The following FBXL17 variants were observed in gnomAD, a reference collection of about 807,000 sequenced individuals.
FBXL17 encodes F-box/LRR-repeat protein 17.
FBXL17 carries 22 observed loss-of-function variants against 66.2 expected under a neutral mutation model. That is an observed-to-expected ratio of 0.33 (90% CI 0.24 to 0.47). The LOEUF (loss-of-function observed/expected upper bound fraction) is 0.47. FBXL17 is among the 20% of genes least tolerant of loss of function. The pLI is 1.00. For missense variants in FBXL17, 878 were observed against 948.2 expected (o/e 0.93, Z 0.97); for synonymous variants, 474 against 400.5 (o/e 1.18, Z -2.19).
chr5:107,939,701 T>C (rs1025494), intron 7 of FBXL17, among the ~76,000 whole-genome samples: 61,915 of 151,972 alleles, frequency 0.41, 13,441 homozygotes, highest in East Asian at 0.59. Flanking sequence ...GCATATATTA[T>C]ACAATCGGAA....
chr5:108,153,099 C>A (rs914871966), intron 6 of FBXL17, among the ~76,000 whole-genome samples: 1 of 152,152 alleles, frequency 6.6e-6, no homozygotes, highest in South Asian at 2.1e-4. Flanking sequence ...TTTGCTCCTC[C>A]TTTGCCTTTC....
In FBXL17 at chr5:108,373,316, TA is replaced by T. The variant is rs574484905; in HGVS notation, c.994-5364del. Among the ~76,000 whole-genome samples the T allele has an allele frequency of 5.4e-3, 758 of 140,122 alleles. 3 individuals carry two copies. Among genetic ancestry groups the T allele is most frequent in the Non-Finnish European group, 9.7e-3 (643 of 66,046 alleles). The allele number at this position is 140,122 out of a possible 152,430, so 91.9% of individuals were successfully genotyped here. ...AAATATAATATATATCTAAATATAT[TA>T]AATTTTTATTAATATATATCTAAAT... On this transcript the variant is annotated intron_variant, in intron 1 of 8. Coordinates refer to ENST00000542267, the MANE Select transcript of FBXL17 (RefSeq NM_001163315.3).
At chr5:108,257,461 T>C (rs929725655) in intron 4 of FBXL17, among the ~76,000 whole-genome samples, 24 of 152,178 alleles carry the variant, frequency 1.6e-4, no homozygotes, top group Middle Eastern at 3.2e-3. Context: ...GGGTAAATAC[T>C]GAGAACAAAT....
intron 7 of FBXL17, among the ~76,000 whole-genome samples, chr5:107,949,897 A>C (rs1264265710): frequency 6.6e-6 from 1 of 152,144 alleles, no homozygotes; most frequent in Non-Finnish European, 1.5e-5. Flanking sequence ...CCTGAGTTCG[A>C]CTATTAGTTT....
intron 6 of FBXL17, among the ~76,000 whole-genome samples, chr5:108,126,422 A>C (rs1042718615): frequency 1.3e-5 from 2 of 152,000 alleles, no homozygotes; most frequent in Non-Finnish European, 2.9e-5. Context: ...GAAAGTAATA[A>C]GCCTAAAAAT....
intron 8 of FBXL17, among the ~76,000 whole-genome samples, chr5:107,877,411 G>C (rs903731694): frequency 6.6e-6 from 1 of 152,124 alleles, no homozygotes; most frequent in African/African-American, 2.4e-5. Flanking sequence ...CGGCGGGTGG[G>C]GGTCGTGGGG....
chr5:108,170,117 T>C (rs1752552032), intron 6 of FBXL17, among the ~76,000 whole-genome samples: 1 of 152,104 alleles, frequency 6.6e-6, no homozygotes, highest in South Asian at 2.1e-4. Context: ...CAATACAATA[T>C]TAAAATCATT....
chr5:108,252,165 T>A (rs1756384361), intron 4 of FBXL17, among the ~76,000 whole-genome samples: 1 of 152,104 alleles, frequency 6.6e-6, no homozygotes, highest in South Asian at 2.1e-4. Flanking sequence ...GAATATAAAT[T>A]TTCATAAGCA....
intron 3 of FBXL17, among the ~76,000 whole-genome samples, chr5:108,355,629 G>T (rs1001801036): frequency 2.0e-5 from 3 of 152,062 alleles, no homozygotes; most frequent in African/African-American, 7.2e-5. Flanking sequence ...TTCACTACCT[G>T]TGATGCAGTA....
chr5:108,304,911 C>T (rs1758767413), intron 4 of FBXL17, among the ~76,000 whole-genome samples: 1 of 151,926 alleles, frequency 6.6e-6, no homozygotes, highest in Non-Finnish European at 1.5e-5. Flanking sequence ...CATAAGGGAC[C>T]AATACTCTAC....
intron 3 of FBXL17, among the ~76,000 whole-genome samples, chr5:108,364,102 A>G (rs1025981575): frequency 2.0e-5 from 3 of 152,038 alleles, no homozygotes; most frequent in African/African-American, 7.2e-5. Flanking sequence ...TTTAGGATAG[A>G]GTCTTCCCAA....
intron 6 of FBXL17, among the ~76,000 whole-genome samples, chr5:108,149,397 A>G (rs907266856): frequency 6.6e-6 from 1 of 152,180 alleles, no homozygotes; most frequent in African/African-American, 2.4e-5. Context: ...TCTTTCCTTC[A>G]AAGATAGTTT....
At chr5:108,171,304 A>G (rs2150016660) in intron 6 of FBXL17, among the ~76,000 whole-genome samples, 1 of 152,326 alleles carries the variant, frequency 6.6e-6, no homozygotes, top group African/African-American at 2.4e-5. Flanking sequence ...ATATTTTTAA[A>G]TTCAGAATAA....
intron 7 of FBXL17, among the ~76,000 whole-genome samples, chr5:107,980,940 G>A (rs968757873): frequency 1.3e-5 from 2 of 151,792 alleles, no homozygotes; most frequent in Non-Finnish European, 2.9e-5. Flanking sequence ...CACCGCGCCC[G>A]GCCAAAATAA....
chr5:108,255,042 TAA>T (rs781098794), intron 4 of FBXL17, among the ~76,000 whole-genome samples: 6 of 152,156 alleles, frequency 3.9e-5, no homozygotes, highest in Non-Finnish European at 8.8e-5. Flanking sequence ...AAAAGAGCAT[TAA>T]GTAAGTATTA....
At chr5:107,899,775 A>G (rs1749509477) in intron 7 of FBXL17, among the ~76,000 whole-genome samples, 1 of 152,186 alleles carries the variant, frequency 6.6e-6, no homozygotes, top group Admixed American at 6.5e-5. Flanking sequence ...AACTGTATTT[A>G]CCATTGAGTA....
At chr5:107,883,945 T>C (rs944952898) in intron 7 of FBXL17, among the ~76,000 whole-genome samples, 1 of 152,084 alleles carries the variant, frequency 6.6e-6, no homozygotes. Context: ...GGAAACAGCA[T>C]GTGTGAAAGT....
chr5:108,356,597 C>G (rs903720142), intron 3 of FBXL17, among the ~76,000 whole-genome samples: 1 of 151,996 alleles, frequency 6.6e-6, no homozygotes, highest in African/African-American at 2.4e-5. Flanking sequence ...ATGATTCCAA[C>G]TGGAATCATA....
chr5:108,381,006 C>G lies in FBXL17; in HGVS notation c.686G>C (p.Gly229Ala). Residue 229 changes from glycine (G) to alanine (A), a missense_variant, in exon 1 of 9, where the codon GGG becomes GCG. Physicochemically the swap from Gly to Ala is moderately conservative, Grantham distance 60 (BLOSUM62 0). Around this residue, in one of 4 missense-constraint regions of FBXL17, gnomAD observed 605 missense variants for 509.5 expected, o/e 1.19. Coordinates refer to ENST00000542267, the MANE Select transcript of FBXL17 (RefSeq NM_001163315.3). ...AGCGCCTCCCCCCGCAGGCCCTCCC[C>G]CGCCACCGCCGCCGCCGCCGCCGCC... ...GCGGGGGGGG[G>A]GGPAGGGASP... 3.4e-6 allele frequency: 4 copies of G among 1,189,056 alleles called. No individual in the cohort carries two copies. The highest frequency in any genetic ancestry group is 2.1e-6 in the Non-Finnish European group (2 of 960,788). 73.7% of individuals were successfully genotyped at this position (1,189,056 alleles called of 1,614,324 possible).
Sources: gnomAD v4.1 joint callset for allele counts (sites outside exome capture counted in the v4.1 genomes callset) on GRCh38, gnomAD v4.1.1 for gene constraint, gnomAD v4.1.1 regional missense constraint, MANE v1.5 for transcripts, NCBI Gene and HGNC (gene_info 2026-07-23, HGNC 2026-07-21) for gene names.